ZDHHC11: variants seen among roughly 807,000 people sequenced by gnomAD.
ZDHHC11 encodes the protein zDHHC palmitoyltransferase 11.
Under a neutral mutation model 51.3 loss-of-function variants are expected in ZDHHC11, and 44 were observed. The ratio of observed to expected loss-of-function variants is 0.86; its 90% CI spans 0.67 to 1.10. The LOEUF (loss-of-function observed/expected upper bound fraction) is 1.10, where lower values mean the gene tolerates loss of function less well. Ranked by LOEUF, ZDHHC11 falls within the 50% of genes least tolerant of loss-of-function variation. The pLI is 0.00. For synonymous variants in ZDHHC11, 163 were observed against 222.0 expected (o/e 0.73, Z 2.36); for missense variants, 400 against 537.7 (o/e 0.74, Z 2.53).
At position 842,134 on chromosome 5, in the gene ZDHHC11, G is replaced by A. The variant is rs564028187; in HGVS notation, c.628+1466C>T. 453 of 986,412 alleles carry A rather than the reference G, an allele frequency of 4.6e-4. 1 individual carries two copies. The highest frequency in any genetic ancestry group is 5.2e-4 in the Non-Finnish European group (430 of 830,622). 61.1% of individuals were successfully genotyped at this position (986,412 alleles called of 1,614,324 possible). A position where few individuals can be genotyped will look rare whatever the true frequency, so the allele number is the denominator to read the frequency against. On this transcript the variant is annotated intron_variant, in intron 4 of 12. Transcript: ENST00000283441. ...GGAATTCACTCAGGCCACAATCAAT[G>A]AATTCACACGGAGACACTGGCACTG... is the stretch of plus-strand genomic sequence containing the variant.
intron 9 of ZDHHC11, among the ~76,000 whole-genome samples, chr5:820,308 A>G (rs901321031): frequency 6.6e-6 from 1 of 151,642 alleles, no homozygotes; most frequent in East Asian, 1.9e-4. Flanking sequence ...GCAATTTCAT[A>G]GAAGACTTAA....
intron 4 of ZDHHC11, chr5:841,805 G>A (rs551886129): frequency 1.7e-4 from 165 of 995,744 alleles, no homozygotes; most frequent in Middle Eastern, 1.0e-3. Flanking sequence ...ATGGCAGAGG[G>A]TGGGGCAAGG....
intron 12 of ZDHHC11, among the ~76,000 whole-genome samples, chr5:796,869 T>C (rs1348217281): frequency 7.9e-5 from 12 of 152,324 alleles, no homozygotes; most frequent in African/African-American, 2.9e-4. Flanking sequence ...CGGAAATACA[T>C]CCTTTTGAAA....
chr5:831,752 C>A (rs1377214007), intron 7 of ZDHHC11, among the ~76,000 whole-genome samples: 1 of 150,878 alleles, frequency 6.6e-6, no homozygotes, highest in Non-Finnish European at 1.5e-5. Context: ...TGCAATACCA[C>A]CTTACTCCTG....
intron 5 of ZDHHC11, among the ~76,000 whole-genome samples, chr5:837,836 C>T (rs115484746): frequency 0.023 from 3,513 of 152,058 alleles, 140 homozygotes; most frequent in Non-Finnish European, 0.034. Flanking sequence ...TGAGAGGTTG[C>T]TCCAGATCCC....
At chr5:806,054 G>C (rs750925289) in intron 11 of ZDHHC11, among the ~76,000 whole-genome samples, 1 of 151,294 alleles carries the variant, frequency 6.6e-6, no homozygotes, top group African/African-American at 2.4e-5. Flanking sequence ...GTGGGAGAAT[G>C]GGGGAGGTGC....
intron 7 of ZDHHC11, among the ~76,000 whole-genome samples, chr5:827,671 A>C (rs1742461541): frequency 6.6e-6 from 1 of 151,428 alleles, no homozygotes. Context: ...TCACTCCAAA[A>C]GGAAAAATAT....
At chr5:846,260 C>A (rs1442824659) in intron 3 of ZDHHC11, among the ~76,000 whole-genome samples, 1 of 151,202 alleles carries the variant, frequency 6.6e-6, no homozygotes, top group Admixed American at 6.6e-5. Flanking sequence ...GCAGGGACCG[C>A]CCGGTGCGTC....
chr5:850,468 G>C lies in ZDHHC11; in HGVS notation c.135C>G (p.Thr45=), dbSNP rs775415312. 7.4e-6 allele frequency: 12 copies of C among 1,613,564 alleles called. No individual in the cohort carries two copies. Among genetic ancestry groups the C allele is most frequent in the Non-Finnish European group, 1.0e-5 (12 of 1,180,028 alleles). Residue 45 remains threonine, a synonymous_variant, in exon 1 of 13, where the codon ACC becomes ACG. Coordinates refer to ENST00000283441, the MANE Select transcript of ZDHHC11 (RefSeq NM_024786.3). ...AGGAAAGGCCCACGAAGACAGCCCA[G>C]GTCACCACCTGGAAGTAGTGCAGGG... ...SLPLHYFQVV[T]WAVFVGLSSA...
chr5:837,222 C>G (rs1398900574), intron 6 of ZDHHC11, 143 bp downstream of exon 6: 2 of 911,904 alleles, frequency 2.2e-6, no homozygotes. Context: ...TGCACAGAGC[C>G]TCACACACAG....
chr5:796,006 C>T lies in ZDHHC11; in HGVS notation c.*582G>A, dbSNP rs1417895723. ...CTCCCATTTCTCAGTAGTGTACTCC[C>T]ATTTCTCAGTACTGTGCTCCCACTT... On this transcript the variant is annotated 3_prime_UTR_variant, in exon 13 of 13. Coordinates refer to ENST00000283441, the MANE Select transcript of ZDHHC11 (RefSeq NM_024786.3). 1.3e-5 allele frequency: 2 copies of T among 155,146 alleles called. No homozygotes were observed. The highest frequency in any genetic ancestry group is 6.6e-5 in the Admixed American group (1 of 15,220). 9.6% of individuals were successfully genotyped at this position (155,146 alleles called of 1,614,324 possible). A position where few individuals can be genotyped will look rare whatever the true frequency, so the allele number is the denominator to read the frequency against.
chr5:833,460 A>G (rs1389965914), intron 7 of ZDHHC11, among the ~76,000 whole-genome samples: 1 of 151,942 alleles, frequency 6.6e-6, no homozygotes, highest in Non-Finnish European at 1.5e-5. Flanking sequence ...ATTCAGACTC[A>G]CAACTACCCA....
At chr5:823,193 C>A (rs1195153543) in intron 8 of ZDHHC11, among the ~76,000 whole-genome samples, 1 of 151,032 alleles carries the variant, frequency 6.6e-6, no homozygotes, top group African/African-American at 2.4e-5. Flanking sequence ...GAAGAGTTTG[C>A]CTAACACAAG....
At chr5:824,103 C>A (rs1178126707) in intron 8 of ZDHHC11, 13 of 454,724 alleles carry the variant, frequency 2.9e-5, no homozygotes, top group African/African-American at 2.6e-4. Flanking sequence ...CCTGCCCCCA[C>A]AGGGAAGGAG....
chr5:822,197 C>T (rs1422188385), intron 8 of ZDHHC11, among the ~76,000 whole-genome samples: 1 of 151,280 alleles, frequency 6.6e-6, no homozygotes, highest in African/African-American at 2.4e-5. Flanking sequence ...TTAGATGAGG[C>T]TATTAGAGTG....
intron 1 of ZDHHC11, 36 bp from the exon 2 acceptor site, chr5:848,696 G>C (rs771917218): frequency 1.4e-5 from 22 of 1,611,250 alleles, no homozygotes; most frequent in Admixed American, 1.0e-4. Context: ...CCAGGGCCTG[G>C]TCAGCCTGGC....
rs556576450 is a variant in ZDHHC11 at position 829,976 on chromosome 5, A to G, written c.935+3797T>C. 2.0e-5 allele frequency among the ~76,000 whole-genome samples: 3 copies of G among 150,862 alleles called. 1 individual carries two copies. The highest frequency in any genetic ancestry group is 7.3e-5 in the African/African-American group (3 of 40,818). ...GAACACTCATCAAAATCAGCACAGA[A>G]GGGACATACCTCAAGGTAATAAAAG... On this transcript the variant is annotated intron_variant, in intron 7 of 12. Transcript: ENST00000283441.
intron 6 of ZDHHC11, among the ~76,000 whole-genome samples, chr5:834,965 G>A (rs1160404279): frequency 2.6e-5 from 4 of 151,898 alleles, no homozygotes; most frequent in Non-Finnish European, 4.4e-5. Flanking sequence ...TCTCATGTGT[G>A]CCTGTATTTT....
At chr5:805,134 G>A (rs1481983985) in intron 11 of ZDHHC11, among the ~76,000 whole-genome samples, 2 of 151,522 alleles carry the variant, frequency 1.3e-5, no homozygotes, top group East Asian at 1.9e-4. Flanking sequence ...AGCAGTGTTT[G>A]TGTACTATTG....
Sources: gnomAD v4.1 joint callset for allele counts (sites outside exome capture counted in the v4.1 genomes callset) on GRCh38, gnomAD v4.1.1 for gene constraint, MANE v1.5 for transcripts, NCBI Gene and HGNC (gene_info 2026-07-23, HGNC 2026-07-21) for gene names.